SEMA6D: variants seen among roughly 807,000 people sequenced by gnomAD.
The protein encoded by SEMA6D is semaphorin-6D.
In SEMA6D, 35 loss-of-function variants were observed where a neutral mutation model predicts 106.6. That is an observed-to-expected ratio of 0.33 (90% CI 0.25 to 0.44). The LOEUF (loss-of-function observed/expected upper bound fraction) is 0.44. SEMA6D is among the 20% of genes least tolerant of loss of function. The pLI is 1.00. For synonymous variants in SEMA6D, 499 were observed against 487.7 expected, an observed-to-expected ratio of 1.02 and a Z score of -0.31; for missense variants, 1,185 against 1,345.9, an observed-to-expected ratio of 0.88 and a Z score of 1.87.
intron 1 of SEMA6D, among the ~76,000 whole-genome samples, chr15:47,257,105 T>G (rs1041209882): frequency 2.7e-5 from 4 of 150,202 alleles, no homozygotes; most frequent in Non-Finnish European, 4.4e-5. Context: ...TTGCCCAGGC[T>G]GGAGTGCAGT....
intron 2 of SEMA6D, among the ~76,000 whole-genome samples, chr15:47,439,573 A>G (rs1001218288): frequency 2.0e-5 from 3 of 152,124 alleles, no homozygotes; most frequent in Non-Finnish European, 2.9e-5. Flanking sequence ...CCTCTGGGCC[A>G]TGGTGTATCT....
At chr15:47,719,065 T>G (rs1191837787) in intron 1 of SEMA6D, among the ~76,000 whole-genome samples, 1 of 152,016 alleles carries the variant, frequency 6.6e-6, no homozygotes, top group East Asian at 1.9e-4. Flanking sequence ...TTTGAAAAAT[T>G]TGTGCTCCAT....
chr15:47,315,059 G>T (rs1186418394), intron 1 of SEMA6D, among the ~76,000 whole-genome samples: 1 of 151,120 alleles, frequency 6.6e-6, no homozygotes, highest in Non-Finnish European at 1.5e-5. Flanking sequence ...GTAGAGACGG[G>T]GTTTCACCGT....
At chr15:47,352,930 T>C (rs941141190) in intron 1 of SEMA6D, among the ~76,000 whole-genome samples, 6 of 152,192 alleles carry the variant, frequency 3.9e-5, no homozygotes, top group African/African-American at 1.2e-4. Context: ...TTGTTGAATG[T>C]GCACAGTTTG....
chr15:47,241,528 C>A (rs1209482681), intron 1 of SEMA6D, among the ~76,000 whole-genome samples: 1 of 151,996 alleles, frequency 6.6e-6, no homozygotes, highest in African/African-American at 2.4e-5. Context: ...CTTTCTCTCC[C>A]CTAGCTGATT....
intron 1 of SEMA6D, among the ~76,000 whole-genome samples, chr15:47,375,936 A>G (rs2039432377): frequency 6.6e-6 from 1 of 152,254 alleles, no homozygotes; most frequent in African/African-American, 2.4e-5. Context: ...GTGCATTCCC[A>G]GAATGGGTTT....
In SEMA6D at chr15:47,657,834, A is replaced by G. The variant is rs1427876708; in HGVS notation, c.-55+56938A>G. Among the ~76,000 whole-genome samples the G allele has an allele frequency of 8.8e-5, 12 of 135,796 alleles. No individual in the cohort carries two copies. The Admixed American group carries it at 1.0e-3, about 12-fold the overall frequency. 89.1% of individuals were successfully genotyped at this position (135,796 alleles called of 152,430 possible). On this transcript the variant is annotated intron_variant, in intron 4 of 19. Coordinates refer to the SEMA6D transcript ENST00000558014. The stretch of plus-strand genomic sequence containing the variant: ...CGGCTCACTGCAAGCTCCGTGTCCC[A>G]GGTTCATGCCATTCTCCTGCCTCAG...
chr15:47,580,585 G>A (rs1446669478), intron 3 of SEMA6D, among the ~76,000 whole-genome samples: 1 of 151,970 alleles, frequency 6.6e-6, no homozygotes, highest in African/African-American at 2.4e-5. Flanking sequence ...CATTGAAAGT[G>A]TATCACTACC....
intron 4 of SEMA6D, among the ~76,000 whole-genome samples, chr15:47,653,012 A>C (rs1387559955): frequency 6.6e-6 from 1 of 152,226 alleles, no homozygotes; most frequent in Non-Finnish European, 1.5e-5. Context: ...GGTGCCAAGA[A>C]CTTAAGAATG....
intron 11 of SEMA6D, 101 bp downstream of exon 11, chr15:47,764,406 G>A (rs2082226060): frequency 7.1e-7 from 1 of 1,414,280 alleles, no homozygotes; most frequent in Non-Finnish European, 9.6e-7. Context: ...CCCACACCAG[G>A]AAGGGGTCCC....
intron 1 of SEMA6D, among the ~76,000 whole-genome samples, chr15:47,343,481 C>T (rs785324): frequency 0.52 from 78,002 of 150,254 alleles, 23,526 homozygotes; most frequent in African/African-American, 0.85. Context: ...TGTTCAATTC[C>T]CATCTATGAG....
intron 1 of SEMA6D, chr15:47,396,381 C>T (rs755297585): frequency 6.6e-6 from 1 of 152,582 alleles, no homozygotes; most frequent in Non-Finnish European, 1.5e-5. Context: ...CATGATAGGC[C>T]GTCTGCAAGC....
intron 1 of SEMA6D, among the ~76,000 whole-genome samples, chr15:47,734,446 AAC>A (rs2080329236): frequency 6.6e-6 from 1 of 152,118 alleles, no homozygotes; most frequent in Non-Finnish European, 1.5e-5. Flanking sequence ...ATTTTTTTCG[AAC>A]AAGGAGAACC....
At chr15:47,319,010 GTTTTC>G (rs904556039) in intron 1 of SEMA6D, among the ~76,000 whole-genome samples, 53 of 152,128 alleles carry the variant, frequency 3.5e-4, no homozygotes, top group South Asian at 3.3e-3. Flanking sequence ...CTTTGATACA[GTTTTC>G]TTTTCTTTTC....
chr15:47,326,975 G>A (rs1399785831), intron 1 of SEMA6D, among the ~76,000 whole-genome samples: 1 of 152,186 alleles, frequency 6.6e-6, no homozygotes, highest in Non-Finnish European at 1.5e-5. Flanking sequence ...ATTAGCCAGA[G>A]TTTTATGCCA....
chr15:47,393,414 A>G (rs1201122729), intron 1 of SEMA6D: 4 of 152,178 alleles, frequency 2.6e-5, no homozygotes, highest in Non-Finnish European at 4.4e-5. Flanking sequence ...TGTGCAGCAC[A>G]GCCCAGGTGC....
At chr15:47,312,833 T>A (rs184239887) in intron 1 of SEMA6D, among the ~76,000 whole-genome samples, 2 of 152,370 alleles carry the variant, frequency 1.3e-5, no homozygotes, top group South Asian at 2.1e-4. Flanking sequence ...AGACTTTTTT[T>A]ATAAGGTATA....
intron 1 of SEMA6D, among the ~76,000 whole-genome samples, chr15:47,235,021 CTT>C (rs953368629): frequency 6.6e-6 from 1 of 151,944 alleles, no homozygotes; most frequent in African/African-American, 2.4e-5. Flanking sequence ...TGTTTTTTGA[CTT>C]TTTAATAATG....
At chr15:47,397,492 G>A (rs2040253770) in intron 1 of SEMA6D, 1 of 152,036 alleles carries the variant, frequency 6.6e-6, no homozygotes, top group African/African-American at 2.4e-5. Flanking sequence ...AGGAATAAAG[G>A]TGTAAGCAAC....
Sources: allele counts gnomAD v4.1 joint callset (sites outside exome capture counted in the v4.1 genomes callset), GRCh38; gene constraint gnomAD v4.1.1; transcripts MANE v1.5; gene names NCBI Gene and HGNC (gene_info 2026-07-23, HGNC 2026-07-21).